Variants in CAND2 observed in about 807,000 individuals in gnomAD.
CAND2 encodes cullin associated and neddylation dissociated 2 (putative).
Under a neutral mutation model 98.9 loss-of-function variants are expected in CAND2, and 62 were observed. That is an observed-to-expected ratio of 0.63 (90% CI 0.51 to 0.77). The LOEUF (loss-of-function observed/expected upper bound fraction) is 0.77. Ranked by LOEUF, CAND2 falls within the 30% of genes least tolerant of loss-of-function variation. The pLI is 0.00. For missense variants in CAND2, 1,501 were observed against 1,655.2 expected, an observed-to-expected ratio of 0.91 and a Z score of 1.62; for synonymous variants, 770 against 731.9, an observed-to-expected ratio of 1.05 and a Z score of -0.84.
At chr3:12,819,988 T>C (rs191381720) in intron 10 of CAND2, 98 bp from the exon 11 acceptor site, 3 of 932,638 alleles carry the variant, frequency 3.2e-6, no homozygotes, top group African/African-American at 3.2e-5. Flanking sequence ...AGTTCTGTTT[T>C]CCAGGGAAGC....
chr3:12,816,416 T>G lies in CAND2; in HGVS notation c.1484T>G (p.Ile495Ser), dbSNP rs1231309024. The change falls in exon 10 of 15, where the codon ATC (isoleucine) becomes AGC (serine). Residue 495 changes from isoleucine to serine, a missense_variant. This residue lies in a region of CAND2 where 1,427 missense variants were observed against 1,545.3 expected (regional missense o/e 0.92). Transcript: ENST00000456430. ...GCCGACCGCTCCAGCTCCTCCACCA[T>G]CCGGATGGATGCCCTGGCCTTCTTG... Reference protein sequence around the residue: ...SLADRSSSSTIRMDALAFLQG... With the variant: ...SLADRSSSSTSRMDALAFLQG... 6.2e-7 allele frequency: 1 copy of G among 1,613,622 alleles called. No homozygotes were observed. The highest frequency in any genetic ancestry group is 8.5e-7 in the Non-Finnish European group (1 of 1,179,978).
chr3:12,834,243 T>C lies in CAND2; in HGVS notation c.*261T>C. The C allele has an allele frequency of 2.0e-6, 1 of 504,902 alleles. No homozygotes were observed. The highest frequency in any genetic ancestry group is 5.4e-4 in the Middle Eastern group (1 of 1,844). 31.3% of individuals were successfully genotyped at this position (504,902 alleles called of 1,614,324 possible). On this transcript the variant is annotated 3_prime_UTR_variant, in exon 15 of 15. Coordinates refer to ENST00000456430, the MANE Select transcript of CAND2 (RefSeq NM_001162499.2). ...CCAAAGAAATAGGGTGAGGAAGTTT[T>C]CCAGTGACTTCACACTGTACCCCTC...
At position 12,831,939 on chromosome 3, in the gene CAND2, T is replaced by G. The variant is rs2062056957; in HGVS notation, c.3483+367T>G. Among the ~76,000 whole-genome samples the G allele has an allele frequency of 2.0e-5, 3 of 152,150 alleles. No homozygotes were observed. In the South Asian group the frequency reaches 6.2e-4, roughly 32 times the overall value. ...CTACTGTCAATCTCTCACCTCCTTG[T>G]TGGGAAGCTGGGTCAGATGACTGGT... On this transcript the variant is annotated intron_variant, in intron 14 of 14. Coordinates refer to ENST00000456430, the MANE Select transcript of CAND2 (RefSeq NM_001162499.2).
At chr3:12,830,153 C>G (rs556913079) in intron 13 of CAND2, among the ~76,000 whole-genome samples, 28 of 152,298 alleles carry the variant, frequency 1.8e-4, no homozygotes, top group African/African-American at 6.7e-4. Flanking sequence ...CTGTCTCCCC[C>G]TCGGCTTTAT....
chr3:12,825,635 G>A lies in CAND2; in HGVS notation c.3206G>A (p.Arg1069Gln), dbSNP rs201188473. Residue 1069 changes from arginine to glutamine, a missense_variant, in exon 12 of 15, where the codon CGA (arginine) becomes CAA (glutamine). Around this residue, in one of 3 missense-constraint regions of CAND2, gnomAD observed 1,427 missense variants for 1,545.3 expected, o/e 0.92. Transcript: ENST00000456430. The part of the protein sequence containing the change: ...QETKIRRDLI[R>Q]EVEMGPFKHT... ...ACAAAGATCCGGCGGGACCTCATCC[G>A]AGAGGTGTGGAGCAGAGCTGGGGAC... 1.5e-5 allele frequency: 24 copies of A among 1,586,916 alleles called. No individual in the cohort carries two copies. The highest frequency in any genetic ancestry group is 3.5e-5 in the Admixed American group (2 of 57,198).
At chr3:12,813,525 G>A (rs985079665) in intron 7 of CAND2, 137 bp downstream of exon 7, 5 of 759,958 alleles carry the variant, frequency 6.6e-6, no homozygotes, top group African/African-American at 5.3e-5. Flanking sequence ...AGTCCCACCC[G>A]CTGTGACTGC....
chr3:12,804,598 G>T (rs781110222), intron 2 of CAND2, among the ~76,000 whole-genome samples: 1 of 152,188 alleles, frequency 6.6e-6, no homozygotes, highest in Non-Finnish European at 1.5e-5. Context: ...GACAAGACAA[G>T]GGTATGTGCA....
intron 12 of CAND2, 30 bp downstream of exon 12, chr3:12,825,669 A>G: frequency 2.5e-6 from 4 of 1,574,630 alleles, no homozygotes; most frequent in Non-Finnish European, 3.5e-6. Flanking sequence ...ACCCAGGGGA[A>G]GCTGGGGGTG....
intron 12 of CAND2, among the ~76,000 whole-genome samples, chr3:12,826,295 G>A (rs369174642): frequency 6.6e-6 from 1 of 152,216 alleles, no homozygotes; most frequent in Non-Finnish European, 1.5e-5. Context: ...GAGGTTAAAG[G>A]TGATTTAGTA....
chr3:12,801,425 C>G (rs532948496), intron 1 of CAND2, among the ~76,000 whole-genome samples: 2 of 152,370 alleles, frequency 1.3e-5, no homozygotes, highest in South Asian at 4.1e-4. Flanking sequence ...AAGCTGGACA[C>G]AGCTGAGGGC....
rs11718898 is a variant in CAND2 at position 12,807,323 on chromosome 3, T to C, written c.230T>C (p.Val77Ala). The change falls in exon 3 of 15, where the codon GTC becomes GCC. Residue 77 changes from valine (V) to alanine (A), a missense_variant. Val to Ala is a moderately conservative substitution (Grantham distance 64). This residue lies in a region of CAND2 where 12 missense variants were observed against 32.6 expected (regional missense o/e 0.37). Transcript: ENST00000456430. ...CTGCTCAGCCTGGGTCCTCTGGTGGTCAAAGTGAAGGAGTACCAGGTGGAG... is the reference window on the plus strand; with the variant it reads ...CTGCTCAGCCTGGGTCCTCTGGTGGCCAAAGTGAAGGAGTACCAGGTGGAG... The part of the protein sequence containing the change: ...LAVKCLGPLV[V>A]KVKEYQVETI... 996,671 of 1,550,804 alleles carry C rather than the reference T, an allele frequency of 0.64. 330,566 individuals carry two copies. The highest frequency in any genetic ancestry group is 0.93 in the African/African-American group (67,736 of 73,100).
intron 13 of CAND2, among the ~76,000 whole-genome samples, chr3:12,828,770 ACT>A (rs1448715873): frequency 2.0e-5 from 3 of 151,824 alleles, no homozygotes; most frequent in Non-Finnish European, 4.4e-5. Context: ...CCCATTCAAC[ACT>A]CTATGAATTT....
chr3:12,818,506 G>A (rs1046546801), intron 10 of CAND2, among the ~76,000 whole-genome samples: 5 of 152,240 alleles, frequency 3.3e-5, no homozygotes, highest in East Asian at 1.9e-4. Flanking sequence ...AGGGGCAGGC[G>A]TTTTGGCTTG....
At chr3:12,806,806 C>CTGAGTGG (rs2061809624) in intron 2 of CAND2, among the ~76,000 whole-genome samples, 5 of 152,198 alleles carry the variant, frequency 3.3e-5, no homozygotes, top group African/African-American at 9.7e-5. Flanking sequence ...GAACAAGCTC[C>CTGAGTGG]CGAGTGGCAT....
At chr3:12,799,486 G>C (rs2061751088) in intron 1 of CAND2, among the ~76,000 whole-genome samples, 1 of 152,048 alleles carries the variant, frequency 6.6e-6, no homozygotes. Flanking sequence ...TGCTTTCTCC[G>C]AGAGCTAGTG....
chr3:12,799,119 C>T (rs748379593), intron 1 of CAND2, among the ~76,000 whole-genome samples: 1 of 152,148 alleles, frequency 6.6e-6, no homozygotes, highest in South Asian at 2.1e-4. Context: ...GTTGAAAAGC[C>T]AGGAGACCTG....
At chr3:12,803,768 G>C in intron 2 of CAND2, 137 bp downstream of exon 2, 1 of 687,256 alleles carries the variant, frequency 1.5e-6, no homozygotes, top group Non-Finnish European at 2.2e-6. Context: ...ACCTTAGTCT[G>C]AGTTTTCCCA....
intron 7 of CAND2, among the ~76,000 whole-genome samples, chr3:12,814,158 G>A (rs998336115): frequency 2.0e-5 from 3 of 152,232 alleles, no homozygotes; most frequent in Admixed American, 2.0e-4. Context: ...AGAGGGGATG[G>A]CTGCTGAGCT....
At chr3:12,819,667 C>T (rs2061940012) in intron 10 of CAND2, among the ~76,000 whole-genome samples, 1 of 152,222 alleles carries the variant, frequency 6.6e-6, no homozygotes, top group African/African-American at 2.4e-5. Context: ...CTCTGAGTCT[C>T]TCTTTCCTCA....
Sources: allele counts gnomAD v4.1 joint callset (sites outside exome capture counted in the v4.1 genomes callset), GRCh38; gene constraint gnomAD v4.1.1; regional missense constraint gnomAD v4.1.1; transcripts MANE v1.5; gene names NCBI Gene and HGNC (gene_info 2026-07-23, HGNC 2026-07-21).